JMY: variants seen among roughly 807,000 people sequenced by gnomAD.
JMY encodes junction mediating and regulatory protein, p53 cofactor, also known as junction-mediating and -regulatory protein.
Under a neutral mutation model 103.3 loss-of-function variants are expected in JMY, and 46 were observed. The observed-to-expected ratio is 0.45, with a 90% CI of 0.35 to 0.57. The LOEUF is 0.57. Among genes scored for constraint, JMY ranks in the 20% least tolerant of loss-of-function variants. The pLI is 0.00. For synonymous variants in JMY, 526 were observed against 489.3 expected (o/e 1.07, Z -0.99); for missense variants, 1,238 against 1,255.2 (o/e 0.99, Z 0.21).
At chr5:79,285,748 T>G (rs936332733) in intron 2 of JMY, among the ~76,000 whole-genome samples, 2 of 152,186 alleles carry the variant, frequency 1.3e-5, no homozygotes, top group Non-Finnish European at 2.9e-5. Flanking sequence ...TGCTGTTACA[T>G]TAGTATATTC....
At chr5:79,241,747 A>G (rs185052734) in intron 1 of JMY, among the ~76,000 whole-genome samples, 1 of 152,362 alleles carries the variant, frequency 6.6e-6, no homozygotes, top group East Asian at 1.9e-4. Context: ...TCCAAGTGAA[A>G]GGTGAAATTT....
intron 7 of JMY, among the ~76,000 whole-genome samples, chr5:79,310,660 TA>T (rs1747019290): frequency 6.6e-6 from 1 of 152,212 alleles, no homozygotes; most frequent in African/African-American, 2.4e-5. Context: ...CCTTGTGAAT[TA>T]AATATGCAAG....
chr5:79,295,915 C>T (rs903121219), intron 4 of JMY, among the ~76,000 whole-genome samples: 3 of 152,204 alleles, frequency 2.0e-5, no homozygotes, highest in African/African-American at 7.2e-5. Flanking sequence ...ATTCTGTTTT[C>T]ACCATATGAA....
At chr5:79,318,263 C>T (rs867115480) in intron 10 of JMY, among the ~76,000 whole-genome samples, 2 of 151,710 alleles carry the variant, frequency 1.3e-5, no homozygotes, top group African/African-American at 4.8e-5. Context: ...GATCTACCCA[C>T]CTCAGCCTCC....
intron 2 of JMY, among the ~76,000 whole-genome samples, chr5:79,285,548 TGA>T (rs1746243656): frequency 6.8e-6 from 1 of 147,152 alleles, no homozygotes; most frequent in Non-Finnish European, 1.5e-5. Flanking sequence ...TTAGTTCACT[TGA>T]GTTTCGATTT....
At chr5:79,303,522 G>A (rs894539442) in intron 6 of JMY, among the ~76,000 whole-genome samples, 2 of 152,194 alleles carry the variant, frequency 1.3e-5, no homozygotes, top group East Asian at 3.8e-4. Flanking sequence ...TTGGCTAGGG[G>A]TGAGAAAGCA....
At chr5:79,242,458 C>T (rs183276977) in intron 1 of JMY, among the ~76,000 whole-genome samples, 1 of 152,204 alleles carries the variant, frequency 6.6e-6, no homozygotes, top group East Asian at 1.9e-4. Context: ...TCCATTCAGC[C>T]CTTTTTGTGG....
intron 1 of JMY, among the ~76,000 whole-genome samples, chr5:79,264,425 C>T (rs1473655514): frequency 6.6e-6 from 1 of 151,034 alleles, no homozygotes; most frequent in African/African-American, 2.4e-5. Flanking sequence ...GACATGGTCT[C>T]ACTATGTTGC....
chr5:79,266,470 T>C (rs549911506), intron 1 of JMY, among the ~76,000 whole-genome samples: 2 of 152,372 alleles, frequency 1.3e-5, no homozygotes, highest in East Asian at 1.9e-4. Context: ...TTAATTGATA[T>C]AGTTGTACAT....
At chr5:79,308,029 G>A (rs1746940397) in intron 7 of JMY, among the ~76,000 whole-genome samples, 1 of 152,084 alleles carries the variant, frequency 6.6e-6, no homozygotes, top group African/African-American at 2.4e-5. Context: ...GAGCCACCGT[G>A]CCTAGCCTTT....
intron 1 of JMY, among the ~76,000 whole-genome samples, chr5:79,239,431 G>T (rs756390176): frequency 1.1e-4 from 17 of 152,066 alleles, no homozygotes; most frequent in Non-Finnish European, 2.5e-4. Context: ...TAGATTTACA[G>T]ATATATTTTT....
chr5:79,301,488 G>A (rs1273131775), intron 6 of JMY, among the ~76,000 whole-genome samples: 1 of 152,140 alleles, frequency 6.6e-6, no homozygotes, highest in Non-Finnish European at 1.5e-5. Flanking sequence ...CCACCTTCCT[G>A]CTCTTCACCA....
intron 1 of JMY, among the ~76,000 whole-genome samples, chr5:79,266,706 A>G (rs542589321): frequency 6.6e-6 from 1 of 152,304 alleles, no homozygotes; most frequent in Admixed American, 6.5e-5. Context: ...TTTTGTATCC[A>G]TTAACCAACT....
intron 1 of JMY, among the ~76,000 whole-genome samples, chr5:79,240,614 A>C (rs1284195496): frequency 1.3e-5 from 2 of 152,148 alleles, no homozygotes; most frequent in African/African-American, 4.8e-5. Flanking sequence ...CGGCAACTTC[A>C]ATATTTGAAA....
intron 2 of JMY, chr5:79,284,324 G>C (rs530172437): frequency 7.8e-6 from 11 of 1,413,834 alleles, no homozygotes; most frequent in Non-Finnish European, 1.1e-5. Context: ...AGATTGGCAA[G>C]CCTTTTCTAT....
At chr5:79,278,137 T>A in intron 2 of JMY, 54 bp downstream of exon 2, 1 of 1,357,302 alleles carries the variant, frequency 7.4e-7, no homozygotes, top group Non-Finnish European at 1.0e-6. Context: ...GTTCTCAGCC[T>A]GAAAGGCCAT....
chr5:79,291,295 A>G lies in JMY; in HGVS notation c.1523A>G (p.Glu508Gly). The change falls in exon 4 of 11, where the codon GAA (glutamate) becomes GGA (glycine). Residue 508 changes from glutamate to glycine, a missense_variant. Glu to Gly is a moderately conservative substitution (Grantham distance 98). Coordinates refer to ENST00000396137, the MANE Select transcript of JMY (RefSeq NM_152405.5). ...CLEQRKHALK[E>G]EMQSLRGGTE... ...GAACAGCGGAAACATGCACTAAAGG[A>G]AGAGGTAACAAAAATCATCAGAAAT... 2 of 1,546,530 alleles carry G rather than the reference A, an allele frequency of 1.3e-6. No individual in the cohort carries two copies. Among genetic ancestry groups the G allele is most frequent in the Non-Finnish European group, 1.7e-6 (2 of 1,149,028 alleles).
intron 6 of JMY, among the ~76,000 whole-genome samples, chr5:79,303,725 A>AG (rs1746804493): frequency 6.6e-6 from 1 of 152,200 alleles, no homozygotes. Flanking sequence ...TCCACACAAC[A>AG]GGATGGTCAG....
rs1561318619 is a variant in JMY at position 79,318,786 on chromosome 5, AG to A, written c.*3+2477del. ...TAGAGAGAGAGAGAGAGAGAGAGAG[AG>A]AGAGAGAGAGAGAGAGGGATGCATA... On this transcript the variant is annotated intron_variant, in intron 10 of 10. Transcript: ENST00000396137. Among the ~76,000 whole-genome samples the A allele has an allele frequency of 2.2e-4, 22 of 99,582 alleles. No homozygotes were observed. The East Asian group carries it at 5.1e-3, about 23-fold the overall frequency. The allele number at this position is 99,582 out of a possible 152,430, so 65.3% of individuals were successfully genotyped here.
Sources: gnomAD v4.1 joint callset for allele counts (sites outside exome capture counted in the v4.1 genomes callset) on GRCh38, gnomAD v4.1.1 for gene constraint, MANE v1.5 for transcripts, NCBI Gene and HGNC (gene_info 2026-07-23, HGNC 2026-07-21) for gene names.